The following AFM variants were observed in gnomAD, a reference collection of about 807,000 sequenced individuals.
The protein encoded by AFM is alpha-Alb.
AFM carries 82 observed loss-of-function variants against 68.7 expected under a neutral mutation model. That is an observed-to-expected ratio of 1.19 (90% CI 1.00 to 1.43). AFM has a LOEUF of 1.43. AFM is among the 40% of genes most tolerant of loss of function. The probability of loss-of-function intolerance (pLI) is 0.00; values close to 1 mark genes in which losing one functional copy is unlikely to be tolerated. For synonymous variants in AFM, 250 were observed against 234.2 expected, an observed-to-expected ratio of 1.07 and a Z score of -0.61; for missense variants, 772 against 701.8, an observed-to-expected ratio of 1.10 and a Z score of -1.13.
intron 3 of AFM, among the ~76,000 whole-genome samples, chr4:73,485,327 G>C (rs1720860993): frequency 6.6e-6 from 1 of 152,162 alleles, no homozygotes; most frequent in South Asian, 2.1e-4. Flanking sequence ...CAAGGGAAGA[G>C]TAAGAGGTGG....
At chr4:73,488,917 T>A (rs1471549417) in intron 7 of AFM, among the ~76,000 whole-genome samples, 158 bp downstream of exon 7, 1 of 152,232 alleles carries the variant, frequency 6.6e-6, no homozygotes, top group African/African-American at 2.4e-5. Flanking sequence ...AACATTTTTA[T>A]AAATAAACCT....
intron 9 of AFM, among the ~76,000 whole-genome samples, chr4:73,496,860 G>T (rs1210471440): frequency 6.6e-6 from 1 of 151,974 alleles, no homozygotes; most frequent in Non-Finnish European, 1.5e-5. Context: ...TCCTTCCTTT[G>T]ATATGTGCTA....
At chr4:73,501,703 G>A (rs953683356) in intron 12 of AFM, 84 bp from the exon 13 acceptor site, 18 of 1,447,998 alleles carry the variant, frequency 1.2e-5, no homozygotes, top group South Asian at 4.0e-5. Context: ...GACTCAAGAC[G>A]TGATTCTGTA....
chr4:73,501,741 A>C, intron 12 of AFM, 46 bp from the exon 13 acceptor site: 1 of 1,576,278 alleles, frequency 6.3e-7, no homozygotes, highest in Non-Finnish European at 8.6e-7. Flanking sequence ...GAGACGCTTC[A>C]GAAAGAAAGC....
chr4:73,484,009 T>C lies in AFM; in HGVS notation c.137+20T>C. 1 of 1,500,298 alleles carries C rather than the reference T, an allele frequency of 6.7e-7. No individual in the cohort carries two copies. The highest frequency in any genetic ancestry group is 9.1e-7 in the Non-Finnish European group (1 of 1,102,516). The allele number at this position is 1,500,298 out of a possible 1,614,324, so 92.9% of individuals were successfully genotyped here. A position where few individuals can be genotyped will look rare whatever the true frequency, so the allele number is the denominator to read the frequency against. On this transcript the variant is annotated intron_variant, in intron 2 of 14. Transcript: ENST00000226355. ...ATACATGTGAGTTGTGCTAAATACT[T>C]TTTGATGATGATTTTTAAAATGATA... is the stretch of plus-strand genomic sequence containing the variant.
At chr4:73,496,635 A>G (rs564877754) in intron 9 of AFM, among the ~76,000 whole-genome samples, 1 of 152,312 alleles carries the variant, frequency 6.6e-6, no homozygotes, top group Admixed American at 6.5e-5. Context: ...TTATATGTAA[A>G]TAACAGTGTT....
In AFM at chr4:73,484,447, TTTCTTTCTTTCTTTC is replaced by T. The variant is rs1171074870; in HGVS notation, c.270+60_270+74del. ...TATCTTATGTCTTTCTTTCTCTTTC[TTTCTTTCTTTCTTTC>T]TTTCTTTCTTTCTTTCTTTCTTTCT... On this transcript the variant is annotated intron_variant, in intron 3 of 14. Transcript: ENST00000226355. 2.1e-5 allele frequency: 4 copies of T among 186,390 alleles called. No homozygotes were observed. The African/African-American group carries it at 2.2e-4, about 10-fold the overall frequency. The allele number at this position is 186,390 out of a possible 1,614,324, so 11.5% of individuals were successfully genotyped here. A position where few individuals can be genotyped will look rare whatever the true frequency, so the allele number is the denominator to read the frequency against.
chr4:73,503,786 A>G (rs1227451690), intron 14 of AFM, 90 bp from the exon 15 acceptor site: 3 of 152,114 alleles, frequency 2.0e-5, no homozygotes, highest in African/African-American at 7.2e-5. Context: ...GGTTACCACT[A>G]ATAGTTTTTT....
chr4:73,496,374 G>T (rs11935001), intron 9 of AFM, among the ~76,000 whole-genome samples: 92,752 of 151,998 alleles, frequency 0.61, 29,747 homozygotes, highest in Non-Finnish European at 0.72. Flanking sequence ...TTTTCACTTT[G>T]TAAGTGACCC....
intron 3 of AFM, 22 bp from the exon 4 acceptor site, chr4:73,485,840 C>T (rs1038495295): frequency 1.3e-6 from 2 of 1,594,976 alleles, no homozygotes; most frequent in Admixed American, 3.3e-5. Context: ...TAAAAATTGT[C>T]CTTTTCTTCT....
Position 73,486,050 on chromosome 4 carries a change from T to C in AFM, c.459T>C (p.Ser153=), listed in dbSNP as rs375488515. ...AAGAGAAATGCCAGGCTTATGAAAG[T>C]AACAGAGAATCCCTTTTAAATCAGT... ...DPEEKCQAYE[S]NRESLLNHFL... is the part of the protein sequence containing the mutation. The change falls in exon 4 of 15, where the codon AGT becomes AGC. Residue 153 remains serine (S), a synonymous_variant. Coordinates refer to ENST00000226355, the MANE Select transcript of AFM (RefSeq NM_001133.2). 7.4e-6 allele frequency: 12 copies of C among 1,613,750 alleles called. No individual in the cohort carries two copies. The highest frequency in any genetic ancestry group is 6.7e-5 in the African/African-American group (5 of 74,938).
intron 1 of AFM, among the ~76,000 whole-genome samples, chr4:73,483,247 AT>A: frequency 1.3e-5 from 2 of 152,218 alleles, no homozygotes; most frequent in East Asian, 3.9e-4. Flanking sequence ...TTCATAAAGC[AT>A]TCCCAACTTA....
At chr4:73,499,075 T>G in intron 10 of AFM, 39 bp from the exon 11 acceptor site, 1 of 1,590,638 alleles carries the variant, frequency 6.3e-7, no homozygotes, top group South Asian at 1.1e-5. Flanking sequence ...AATGGGTATC[T>G]GCTTTCATTC....
intron 10 of AFM, among the ~76,000 whole-genome samples, chr4:73,498,181 T>G (rs534115359): frequency 6.6e-6 from 1 of 152,300 alleles, no homozygotes; most frequent in African/African-American, 2.4e-5. Flanking sequence ...CTTTAATATT[T>G]AGCTTTTTAG....
At chr4:73,494,704 A>C (rs1323921881) in intron 8 of AFM, among the ~76,000 whole-genome samples, 1 of 152,216 alleles carries the variant, frequency 6.6e-6, no homozygotes, top group Non-Finnish European at 1.5e-5. Flanking sequence ...CTAAGGGCTT[A>C]ATAACTGTTA....
In AFM at chr4:73,497,633, T is replaced by C. The variant is rs1469819573; in HGVS notation, c.1192-19T>C. On this transcript the variant is annotated intron_variant, in intron 9 of 14. Coordinates refer to ENST00000226355, the MANE Select transcript of AFM (RefSeq NM_001133.2). ...ATTTTAGATAAAATGTTTGTAACCATGATTATTCTTATTTTCAGGAAGACA... is the reference window on the plus strand; with the variant it reads ...ATTTTAGATAAAATGTTTGTAACCACGATTATTCTTATTTTCAGGAAGACA... 2.0e-6 allele frequency: 3 copies of C among 1,505,632 alleles called. No individual in the cohort carries two copies. The highest frequency in any genetic ancestry group is 1.8e-6 in the Non-Finnish European group (2 of 1,086,308). 93.3% of individuals were successfully genotyped at this position (1,505,632 alleles called of 1,614,324 possible).
At chr4:73,492,674 A>C (rs1351431678) in intron 8 of AFM, among the ~76,000 whole-genome samples, 3 of 150,264 alleles carry the variant, frequency 2.0e-5, no homozygotes, top group Non-Finnish European at 4.4e-5. Flanking sequence ...TCATTCATCT[A>C]TAATCCCAGC....
At chr4:73,499,359 A>C in intron 11 of AFM, 113 bp downstream of exon 11, 1 of 1,125,376 alleles carries the variant, frequency 8.9e-7, no homozygotes, top group Non-Finnish European at 1.2e-6. Flanking sequence ...CTGTTTTAAT[A>C]TTGTTAAGCA....
chr4:73,497,384 C>T (rs543929840), intron 9 of AFM, among the ~76,000 whole-genome samples: 6 of 152,164 alleles, frequency 3.9e-5, no homozygotes, highest in African/African-American at 1.4e-4. Context: ...AATTTAAATT[C>T]TGTTTTGTAA....
Sources: gnomAD v4.1 joint callset for allele counts (sites outside exome capture counted in the v4.1 genomes callset) on GRCh38, gnomAD v4.1.1 for gene constraint, MANE v1.5 for transcripts, NCBI Gene and HGNC (gene_info 2026-07-23, HGNC 2026-07-21) for gene names.